Variants in CLIP3 observed in about 807,000 individuals in gnomAD.
CLIP3 encodes the protein CAP-Gly domain containing linker protein 3.
Under a neutral mutation model 59.4 loss-of-function variants are expected in CLIP3, and 15 were observed. That is an observed-to-expected ratio of 0.25 (90% CI 0.17 to 0.39). The LOEUF is 0.39. Among genes scored for constraint, CLIP3 ranks in the 10% least tolerant of loss-of-function variants. The pLI, the probability that CLIP3 is intolerant of heterozygous loss-of-function variation, is 1.00. For missense variants in CLIP3, 495 were observed against 765.7 expected, an observed-to-expected ratio of 0.65 and a Z score of 4.17; for synonymous variants, 300 against 321.6, an observed-to-expected ratio of 0.93 and a Z score of 0.72.
chr19:36,027,026 T>C lies in CLIP3; in HGVS notation c.326A>G (p.His109Arg), dbSNP rs1356709666. 2 of 1,600,864 alleles carry C rather than the reference T, an allele frequency of 1.2e-6. No individual in the cohort carries two copies. The highest frequency in any genetic ancestry group is 2.2e-5 in the East Asian group (1 of 44,762). ...GGTCAGCCCGTCACGATCGTTCACA[T>C]GGCAGCCTCGGCGCAGAATCTGTGA... ...IGNEILRRGCHVNDRDGLTDM... is the reference protein window; with the variant it reads ...IGNEILRRGCRVNDRDGLTDM... The change falls in exon 4 of 14, where the codon CAT becomes CGT. Residue 109 changes from histidine (H) to arginine (R), a missense_variant. His to Arg is a conservative substitution (Grantham distance 29, BLOSUM62 0). This residue lies in a region of CLIP3 where 26 missense variants were observed against 79.5 expected (regional missense o/e 0.33). Coordinates refer to ENST00000360535, the MANE Select transcript of CLIP3 (RefSeq NM_015526.3).
At chr19:36,020,691 G>A (rs528354538) in intron 7 of CLIP3, among the ~76,000 whole-genome samples, 2 of 152,280 alleles carry the variant, frequency 1.3e-5, no homozygotes, top group Non-Finnish European at 2.9e-5. Flanking sequence ...TATTTCAAGT[G>A]CTCAATTGTC....
intron 6 of CLIP3, among the ~76,000 whole-genome samples, chr19:36,025,528 T>G (rs1434437376): frequency 1.3e-5 from 2 of 150,372 alleles, no homozygotes; most frequent in Non-Finnish European, 3.0e-5. Flanking sequence ...TAGGCAGAGG[T>G]TGCAGTGAGC....
chr19:36,031,023 C>CTTTTTTTTTTTTTTTTTTTCT (rs55762943), intron 2 of CLIP3, among the ~76,000 whole-genome samples: 1 of 80,176 alleles, frequency 1.2e-5, no homozygotes, highest in African/African-American at 4.5e-5. Flanking sequence ...TTTTTTTTTT[C>CTTTTTTTTTTTTTTTTTTTCT]TTTTTTTTTT....
rs1042062215 is a variant in CLIP3 at position 36,014,660 on chromosome 19, G to A, written c.*1498C>T. Reference sequence around the variant, plus strand: ...AACCCCCAATGACCCGACACAGAGAGGCCATAGAAACGTCTTTATTGAAGA... The same window carrying A: ...AACCCCCAATGACCCGACACAGAGAAGCCATAGAAACGTCTTTATTGAAGA... On this transcript the variant is annotated 3_prime_UTR_variant, in exon 14 of 14. Coordinates refer to ENST00000360535, the MANE Select transcript of CLIP3 (RefSeq NM_015526.3). The A allele has an allele frequency of 7.6e-6, 2 of 261,974 alleles. No individual in the cohort carries two copies. The highest frequency in any genetic ancestry group is 1.5e-5 in the Non-Finnish European group (2 of 136,158). 16.2% of individuals were successfully genotyped at this position (261,974 alleles called of 1,614,324 possible).
chr19:36,030,362 ATTT>A (rs1248380419), intron 2 of CLIP3, among the ~76,000 whole-genome samples: 1 of 151,834 alleles, frequency 6.6e-6, no homozygotes, highest in Non-Finnish European at 1.5e-5. Context: ...CAACTTTCTT[ATTT>A]TTCTATTAGA....
At position 36,026,825 on chromosome 19, in the gene CLIP3, A is replaced by AG; in HGVS notation, c.401-79dup. Reference sequence around the variant, plus strand: ...GTGCACGGGGAGGACCCTGGGCTTCAGGGACTATACTTTGGGATCCGAAGC... The same window carrying AG: ...GTGCACGGGGAGGACCCTGGGCTTCAGGGGACTATACTTTGGGATCCGAAGC... On this transcript the variant is annotated intron_variant, in intron 4 of 13. Coordinates refer to ENST00000360535, the MANE Select transcript of CLIP3 (RefSeq NM_015526.3). This position sits in a 1 kb window ranked among gnomAD's most constrained non-coding sequence, Gnocchi z 6.3. 1 of 1,555,450 alleles carries AG rather than the reference A, an allele frequency of 6.4e-7. No individual in the cohort carries two copies. The highest frequency in any genetic ancestry group is 8.7e-7 in the Non-Finnish European group (1 of 1,154,252).
In CLIP3 at chr19:36,016,174, G is replaced by A. The variant is rs1023578298; in HGVS notation, c.1628C>T (p.Ala543Val). The change falls in exon 14 of 14, where the codon GCG (alanine) becomes GTG (valine). Residue 543 changes from alanine (A) to valine (V), a missense_variant. Physicochemically the swap from Ala to Val is moderately conservative, Grantham distance 64 (BLOSUM62 0). Around this residue, in one of 5 missense-constraint regions of CLIP3, gnomAD observed 6 missense variants for 27.0 expected, o/e 0.22. Coordinates refer to ENST00000360535, the MANE Select transcript of CLIP3 (RefSeq NM_015526.3). The surrounding 1 kb of genome is among the most constrained non-coding windows in gnomAD (Gnocchi z 4.1). ...FCCWFPWMLR[A>V]EMQS is the part of the protein sequence containing the mutation. ...CCAGGGCCTCTAAGACTGCATCTCCGCCCTCAGCATCCAGGGGAACCAGCA... is the reference window on the plus strand; with the variant it reads ...CCAGGGCCTCTAAGACTGCATCTCCACCCTCAGCATCCAGGGGAACCAGCA... 11 of 1,613,882 alleles carry A rather than the reference G, an allele frequency of 6.8e-6. No individual in the cohort carries two copies. The highest frequency in any genetic ancestry group is 4.0e-5 in the African/African-American group (3 of 74,864).
At chr19:36,025,764 G>A (rs1199830105) in intron 6 of CLIP3, among the ~76,000 whole-genome samples, 1 of 152,180 alleles carries the variant, frequency 6.6e-6, no homozygotes, top group Non-Finnish European at 1.5e-5. Context: ...ATTGTGGATG[G>A]AGCCTGGTAA....
At position 36,019,003 on chromosome 19, in the gene CLIP3, T is replaced by C; in HGVS notation, c.1078A>G (p.Ile360Val). 1 of 1,594,844 alleles carries C rather than the reference T, an allele frequency of 6.3e-7. No homozygotes were observed. The highest frequency in any genetic ancestry group is 1.1e-5 in the South Asian group (1 of 87,888). ...KQGLFASVSKISKAVDAPPSS... is the reference protein window; with the variant it reads ...KQGLFASVSKVSKAVDAPPSS... Reference sequence around the variant, plus strand: ...GGGGGTGCGTCCACTGCCTTGGAGATCTTGGACACGGAGGCAAAGAGACCT... The same window carrying C: ...GGGGGTGCGTCCACTGCCTTGGAGACCTTGGACACGGAGGCAAAGAGACCT... Residue 360 changes from isoleucine to valine, a missense_variant, in exon 9 of 14, where the codon ATC (isoleucine) becomes GTC (valine). Physicochemically the swap from Ile to Val is conservative, Grantham distance 29. Transcript: ENST00000360535.
At position 36,032,384 on chromosome 19, in the gene CLIP3, G is replaced by A. The variant is rs895328513; in HGVS notation, c.-27C>T. 3 of 1,201,424 alleles carry A rather than the reference G, an allele frequency of 2.5e-6. No individual in the cohort carries two copies. The highest frequency in any genetic ancestry group is 3.2e-6 in the Non-Finnish European group (3 of 946,278). The allele number at this position is 1,201,424 out of a possible 1,614,324, so 74.4% of individuals were successfully genotyped here. On this transcript the variant is annotated 5_prime_UTR_variant, in exon 2 of 14. Transcript: ENST00000360535. The surrounding 1 kb of genome is among the most constrained non-coding windows in gnomAD (Gnocchi z 4.3). ...GTCCTCGGTGGCCCTCGGGGGGCGG[G>A]TGCAGAGTTGGGGGCAGCCTTCAGG...
chr19:36,024,498 G>A lies in CLIP3; in HGVS notation c.816C>T (p.Leu272=). 2.5e-6 allele frequency: 4 copies of A among 1,614,258 alleles called. No homozygotes were observed. The highest frequency in any genetic ancestry group is 3.4e-6 in the Non-Finnish European group (4 of 1,180,060). Residue 272 remains leucine (L), a synonymous_variant, in exon 7 of 14, where the codon CTC becomes CTT. Transcript: ENST00000360535. ...CATAGTTGGGTAGCGTGACCTTGGG[G>A]AGGGCGCAAGATAGTGGCACTGCCT... ...LEEAVPLSCA[L]PKVTLPNYDN...
rs572044922 is a variant in CLIP3, at chr19:36,030,617, C to T, written c.166+1575G>A. On this transcript the variant is annotated intron_variant, in intron 2 of 13. Coordinates refer to ENST00000360535, the MANE Select transcript of CLIP3 (RefSeq NM_015526.3). ...CTTTCAAACTACAAATCAGACCTGC[C>T]ACTCCTCTGCTCTTAAACACCCTCC... 1.7e-3 allele frequency among the ~76,000 whole-genome samples: 264 copies of T among 152,312 alleles called. 1 individual carries two copies. The highest frequency in any genetic ancestry group is 6.2e-3 in the African/African-American group (258 of 41,568).
Position 36,015,233 on chromosome 19 carries a change from C to G in CLIP3, c.*925G>C, listed in dbSNP as rs891704659. 2 of 152,106 alleles carry G rather than the reference C, an allele frequency of 1.3e-5. No homozygotes were observed. The highest frequency in any genetic ancestry group is 4.8e-5 in the African/African-American group (2 of 41,388). 9.4% of individuals were successfully genotyped at this position (152,106 alleles called of 1,614,324 possible). A position where few individuals can be genotyped will look rare whatever the true frequency, so the allele number is the denominator to read the frequency against. ...CATGATTTGGGGGTCCTAGGAGTTACGGCATTGGGGTCTTCTAGGGGCTGT... is the reference window on the plus strand; with the variant it reads ...CATGATTTGGGGGTCCTAGGAGTTAGGGCATTGGGGTCTTCTAGGGGCTGT... On this transcript the variant is annotated 3_prime_UTR_variant, in exon 14 of 14. Transcript: ENST00000360535.
At chr19:36,023,506 C>G (rs543603628) in intron 7 of CLIP3, among the ~76,000 whole-genome samples, 1 of 151,964 alleles carries the variant, frequency 6.6e-6, no homozygotes, top group Admixed American at 6.6e-5. Context: ...CAGCCAGGGA[C>G]AATTTACTAA....
At position 36,032,186 on chromosome 19, in the gene CLIP3, G is replaced by T; in HGVS notation, c.166+6C>A. ...GGCCAGATTCCAGGGTGGGGACAGT[G>T]GTTACCGTAGTCCTTAGGGAGGGGG... On this transcript the variant is annotated splice_donor_region_variant and intron_variant, in intron 2 of 13. Coordinates refer to ENST00000360535, the MANE Select transcript of CLIP3 (RefSeq NM_015526.3). This position sits in a 1 kb window ranked among gnomAD's most constrained non-coding sequence, Gnocchi z 4.3. 1 of 1,264,222 alleles carries T rather than the reference G, an allele frequency of 7.9e-7. No homozygotes were observed. Among genetic ancestry groups the T allele is most frequent in the Non-Finnish European group, 1.0e-6 (1 of 993,528 alleles). The allele number at this position is 1,264,222 out of a possible 1,614,324, so 78.3% of individuals were successfully genotyped here. A position where few individuals can be genotyped will look rare whatever the true frequency, so the allele number is the denominator to read the frequency against.
chr19:36,023,945 CTT>C (rs1969020435), intron 7 of CLIP3, among the ~76,000 whole-genome samples: 1 of 152,202 alleles, frequency 6.6e-6, no homozygotes, highest in African/African-American at 2.4e-5. Flanking sequence ...TCCTTTCTCC[CTT>C]TCTTTCCCTG....
At chr19:36,021,343 G>A (rs1968946823) in intron 7 of CLIP3, among the ~76,000 whole-genome samples, 1 of 151,942 alleles carries the variant, frequency 6.6e-6, no homozygotes, top group South Asian at 2.1e-4. Context: ...GGGGTGCAGT[G>A]GCACGACCCT....
intron 6 of CLIP3, among the ~76,000 whole-genome samples, chr19:36,025,216 C>CT (rs1190789509): frequency 6.6e-6 from 1 of 152,108 alleles, no homozygotes; most frequent in Non-Finnish European, 1.5e-5. Flanking sequence ...CACTTCAGTG[C>CT]TGTAGGTCAC....
chr19:36,025,606 A>AT (rs1264175384), intron 6 of CLIP3, among the ~76,000 whole-genome samples: 1 of 151,250 alleles, frequency 6.6e-6, no homozygotes, highest in African/African-American at 2.4e-5. Context: ...AAAAAAAAAA[A>AT]AATTAGAGAG....
Sources: gnomAD v4.1 joint callset for allele counts (sites outside exome capture counted in the v4.1 genomes callset) on GRCh38, gnomAD v4.1.1 for gene constraint, gnomAD v4.1.1 regional missense constraint, Gnocchi (gnomAD v3.1) non-coding constraint, MANE v1.5 for transcripts, NCBI Gene and HGNC (gene_info 2026-07-23, HGNC 2026-07-21) for gene names.